SH3BP5: variants seen among roughly 807,000 people sequenced by gnomAD.
The protein encoded by SH3BP5 is SH3 domain binding protein 5.
In SH3BP5, 22 loss-of-function variants were observed where a neutral mutation model predicts 43.3. The ratio of observed to expected loss-of-function variants is 0.51; its 90% CI spans 0.36 to 0.73. The LOEUF is 0.73. Among genes scored for constraint, SH3BP5 ranks in the 30% least tolerant of loss-of-function variants. The probability of loss-of-function intolerance (pLI) is 0.00; values close to 1 mark genes in which losing one functional copy is unlikely to be tolerated. For synonymous variants in SH3BP5, 255 were observed against 225.8 expected (o/e 1.13, Z -1.16); for missense variants, 529 against 586.9 (o/e 0.90, Z 1.02).
chr3:15,315,231 A>T (rs1355116539), intron 2 of SH3BP5, among the ~76,000 whole-genome samples: 1 of 151,904 alleles, frequency 6.6e-6, no homozygotes. Context: ...TGGTTTCCCT[A>T]CGCATCAGAG....
At chr3:15,306,973 G>A (rs966115437) in intron 2 of SH3BP5, among the ~76,000 whole-genome samples, 1 of 152,104 alleles carries the variant, frequency 6.6e-6, no homozygotes, top group Non-Finnish European at 1.5e-5. Context: ...GCACCCAGCC[G>A]ACATTTTATT....
At chr3:15,312,939 A>T (rs1394021977) in intron 2 of SH3BP5, among the ~76,000 whole-genome samples, 1 of 152,174 alleles carries the variant, frequency 6.6e-6, no homozygotes, top group African/African-American at 2.4e-5. Context: ...TAATAAGGCT[A>T]TTTCCTTTTC....
chr3:15,259,039 CTT>C lies in SH3BP5; in HGVS notation c.679_680del (p.Lys227AspfsTer4). 1 of 1,614,132 alleles carries C rather than the reference CTT, an allele frequency of 6.2e-7. No individual in the cohort carries two copies. Among genetic ancestry groups the C allele is most frequent in the Non-Finnish European group, 8.5e-7 (1 of 1,179,938 alleles). On this transcript the variant is annotated frameshift_variant, in exon 7 of 9. Coordinates refer to ENST00000383791, the MANE Select transcript of SH3BP5 (RefSeq NM_004844.5). LOFTEE classifies it high-confidence loss of function. ...GTTTGGCCTGCAGGTCATCCACAGT[CTT>C]TTTCAGTTGCTGATCAAGAGAACAG... ...KYYVQLEQLK[K>X]TVDDLQAKLT... is the part of the protein sequence containing the mutation.
rs371749855 is a variant in SH3BP5, at chr3:15,269,851, C to T, written c.357G>A (p.Thr119=). 3.4e-5 allele frequency: 54 copies of T among 1,567,084 alleles called. 2 individuals carry two copies. The South Asian group carries it at 3.9e-4, about 11-fold the overall frequency. The change falls in exon 4 of 9, where the codon ACG becomes ACA. Residue 119 remains threonine, a synonymous_variant. Transcript: ENST00000383791. ...CCTCTGTGGCCCTCTGGAAGTCCTG[C>T]GTGGCTTTCTGAGCTTCCAGCTGAG... ...RQAQLEAQKA[T]QDFQRATEVL...
Position 15,259,044 on chromosome 3 carries a change from T to G in SH3BP5, c.676A>C (p.Lys226Gln). 1.2e-6 allele frequency: 2 copies of G among 1,614,064 alleles called. No homozygotes were observed. The highest frequency in any genetic ancestry group is 1.7e-6 in the Non-Finnish European group (2 of 1,179,882). Residue 226 changes from lysine (K) to glutamine (Q), a missense_variant, in exon 7 of 9, where the codon AAA becomes CAA. Lys to Gln is a moderately conservative substitution (Grantham distance 53, BLOSUM62 1). Transcript: ENST00000383791. Reference protein sequence around the residue: ...AKYYVQLEQLKKTVDDLQAKL... With the variant: ...AKYYVQLEQLQKTVDDLQAKL... ...GCCTGCAGGTCATCCACAGTCTTTT[T>G]CAGTTGCTGATCAAGAGAACAGGAG...
At chr3:15,333,230 A>G, upstream of SH3BP5, 1 of 985,484 alleles carries the variant, frequency 1.0e-6, no homozygotes, top group Non-Finnish European at 1.2e-6. Context: ...AGGGAGACAG[A>G]GTTGGCCTGG....
rs1696181491 is a variant in SH3BP5, at chr3:15,256,026, A to G, written c.*60T>C. 1 of 1,329,364 alleles carries G rather than the reference A, an allele frequency of 7.5e-7. No individual in the cohort carries two copies. The highest frequency in any genetic ancestry group is 1.5e-5 in the African/African-American group (1 of 68,698). The allele number at this position is 1,329,364 out of a possible 1,614,324, so 82.3% of individuals were successfully genotyped here. ...GCATATATTAAATGATTATTGGCAC[A>G]ATGTTCTCCAGTTCCATGTATAAAT... On this transcript the variant is annotated 3_prime_UTR_variant, in exon 9 of 9. Coordinates refer to ENST00000383791, the MANE Select transcript of SH3BP5 (RefSeq NM_004844.5).
At chr3:15,329,091 A>T (rs548141847) in intron 2 of SH3BP5, among the ~76,000 whole-genome samples, 2 of 152,228 alleles carry the variant, frequency 1.3e-5, no homozygotes, top group South Asian at 4.2e-4. Flanking sequence ...TGGAAGTTGC[A>T]GTGAGCAGAC....
intron 2 of SH3BP5, among the ~76,000 whole-genome samples, chr3:15,305,384 T>C (rs996861676): frequency 1.3e-5 from 2 of 152,248 alleles, no homozygotes; most frequent in Admixed American, 1.3e-4. Flanking sequence ...TTTATTTATT[T>C]ACCACATGCC....
chr3:15,259,114 G>T, intron 6 of SH3BP5, 64 bp from the exon 7 acceptor site: 1 of 1,324,458 alleles, frequency 7.6e-7, no homozygotes, highest in South Asian at 1.2e-5. Context: ...CTTTCTGAAT[G>T]ACAGGTTCAA....
Position 15,307,575 on chromosome 3 carries a change from T to C in SH3BP5, c.202-3344A>G, listed in dbSNP as rs191189351. On this transcript the variant is annotated intron_variant, in intron 2 of 8. Transcript: ENST00000383791. Reference sequence around the variant, plus strand: ...AATACAAATGTAAAACATTTAACAATTTCTGGGCACACAGTCAGTGCTCAA... The same window carrying C: ...AATACAAATGTAAAACATTTAACAACTTCTGGGCACACAGTCAGTGCTCAA... Among the ~76,000 whole-genome samples, 21 of 152,344 alleles carry C rather than the reference T, an allele frequency of 1.4e-4. No individual in the cohort carries two copies. The East Asian group carries it at 2.9e-3, about 21-fold the overall frequency.
intron 3 of SH3BP5, among the ~76,000 whole-genome samples, chr3:15,278,565 T>C (rs1397791620): frequency 6.6e-6 from 1 of 152,198 alleles, no homozygotes; most frequent in Non-Finnish European, 1.5e-5. Flanking sequence ...GATAGCACCG[T>C]TTCACCCCTG....
At chr3:15,326,581 C>G (rs898864292) in intron 2 of SH3BP5, among the ~76,000 whole-genome samples, 2 of 152,184 alleles carry the variant, frequency 1.3e-5, no homozygotes, top group Non-Finnish European at 2.9e-5. Flanking sequence ...CTTGTGAATT[C>G]GTCTACTCGC....
At chr3:15,291,966 C>A (rs1326253555) in intron 3 of SH3BP5, among the ~76,000 whole-genome samples, 1 of 152,180 alleles carries the variant, frequency 6.6e-6, no homozygotes, top group Non-Finnish European at 1.5e-5. Flanking sequence ...AGGAAAGGAA[C>A]AGAAGGTGCA....
rs1341571389 is a variant in SH3BP5 at position 15,262,237 on chromosome 3, G to C, written c.548C>G (p.Thr183Arg). ...CATGGCGGCATTGTACCTGGCTGCC[G>C]TCTCCTTATGCACCAGCTCGCTCCT... is the stretch of plus-strand genomic sequence containing the variant. ...KTRSELVHKE[T>R]AARYNAAMGR... is the part of the protein sequence containing the mutation. The change falls in exon 5 of 9, where the codon ACG (threonine) becomes AGG (arginine). Residue 183 changes from threonine to arginine, a missense_variant. This residue lies in a region of SH3BP5 where 369 missense variants were observed against 384.3 expected (regional missense o/e 0.96). Coordinates refer to ENST00000383791, the MANE Select transcript of SH3BP5 (RefSeq NM_004844.5). 7.4e-6 allele frequency: 12 copies of C among 1,614,094 alleles called. No individual in the cohort carries two copies. The highest frequency in any genetic ancestry group is 1.0e-5 in the Non-Finnish European group (12 of 1,180,014).
intron 3 of SH3BP5, among the ~76,000 whole-genome samples, chr3:15,294,290 A>AGAGT (rs1491286643): frequency 2.9e-5 from 4 of 138,136 alleles, no homozygotes; most frequent in African/African-American, 1.1e-4. Flanking sequence ...TGCAAAAGTA[A>AGAGT]GTGTGTGTGT....
chr3:15,269,797 G>A lies in SH3BP5; in HGVS notation c.411C>T (p.Ser137=), dbSNP rs1370338705. 4 of 1,611,472 alleles carry A rather than the reference G, an allele frequency of 2.5e-6. No homozygotes were observed. Among genetic ancestry groups the A allele is most frequent in the South Asian group, 1.1e-5 (1 of 90,932 alleles). ...CCTCCAGCAGCCGCTGCTCGGCCAG[G>A]GAGATGGTCTCCTTGGCGGCACGGA... ...EVLRAAKETI[S]LAEQRLLEDD... Residue 137 remains serine, a synonymous_variant, in exon 4 of 9, where the codon TCC becomes TCT. Coordinates refer to ENST00000383791, the MANE Select transcript of SH3BP5 (RefSeq NM_004844.5).
At chr3:15,273,957 T>C (rs1696887400) in intron 3 of SH3BP5, among the ~76,000 whole-genome samples, 1 of 152,164 alleles carries the variant, frequency 6.6e-6, no homozygotes, top group Non-Finnish European at 1.5e-5. Context: ...AAGAAATACC[T>C]ATGGGCCGGG....
At chr3:15,272,555 T>G (rs1470668409) in intron 3 of SH3BP5, among the ~76,000 whole-genome samples, 1 of 103,190 alleles carries the variant, frequency 9.7e-6, no homozygotes, top group Non-Finnish European at 1.9e-5. Context: ...AGAGTGCCTG[T>G]AGGATAAAGA....
Sources: allele counts gnomAD v4.1 joint callset (sites outside exome capture counted in the v4.1 genomes callset), GRCh38; gene constraint gnomAD v4.1.1; regional missense constraint gnomAD v4.1.1; transcripts MANE v1.5; gene names NCBI Gene and HGNC (gene_info 2026-07-23, HGNC 2026-07-21).